PTCHD4: variants seen among roughly 807,000 people sequenced by gnomAD.
The protein encoded by PTCHD4 is patched domain-containing protein 4.
In PTCHD4, 33 loss-of-function variants were observed where a neutral mutation model predicts 58.1. That is an observed-to-expected ratio of 0.57 (90% CI 0.43 to 0.76). The LOEUF (loss-of-function observed/expected upper bound fraction) is 0.76, where lower values mean the gene tolerates loss of function less well. Among genes scored for constraint, PTCHD4 ranks in the 30% least tolerant of loss-of-function variants. PTCHD4 has a pLI of 0.00. For synonymous variants in PTCHD4, 478 were observed against 409.6 expected (o/e 1.17, Z -2.02); for missense variants, 1,058 against 1,027.1 (o/e 1.03, Z -0.41).
chr6:47,859,590 G>T lies in PTCHD4; in HGVS notation c.*18713C>A, dbSNP rs1763372841. The stretch of plus-strand genomic sequence containing the variant: ...CAAATATTTATTGAATGCCTAACAT[G>T]TGCCTGGCACCCTTCAGGGTACTGG... On this transcript the variant is annotated 3_prime_UTR_variant, in exon 5 of 5. Transcript: ENST00000339488. Among the ~76,000 whole-genome samples, 1 of 151,612 alleles carries T rather than the reference G, an allele frequency of 6.6e-6. No homozygotes were observed. Among genetic ancestry groups the T allele is most frequent in the Non-Finnish European group, 1.5e-5 (1 of 67,916 alleles).
At chr6:47,900,651 T>A (rs1196558103) in intron 4 of PTCHD4, 3 of 152,170 alleles carry the variant, frequency 2.0e-5, no homozygotes. Flanking sequence ...TAGCTTTGGG[T>A]TTTTATGGAT....
chr6:47,904,476 A>G (rs1177691199), intron 4 of PTCHD4, among the ~76,000 whole-genome samples: 3 of 152,222 alleles, frequency 2.0e-5, no homozygotes, highest in African/African-American at 7.2e-5. Flanking sequence ...CACAGACCAT[A>G]CACGTAGCAA....
intron 1 of PTCHD4, among the ~76,000 whole-genome samples, chr6:48,081,616 G>A (rs566197159): frequency 1.3e-5 from 2 of 152,200 alleles, no homozygotes; most frequent in Middle Eastern, 3.4e-3. Context: ...ATTATTAAAT[G>A]TGCTTCTTGC....
chr6:48,036,002 C>A (rs2114142089), intron 3 of PTCHD4, among the ~76,000 whole-genome samples: 1 of 152,142 alleles, frequency 6.6e-6, no homozygotes, highest in South Asian at 2.1e-4. Flanking sequence ...GCCTTACATT[C>A]TTTAATGGTG....
intron 3 of PTCHD4, among the ~76,000 whole-genome samples, chr6:48,052,210 A>C (rs931711882): frequency 3.9e-5 from 6 of 152,052 alleles, no homozygotes; most frequent in Non-Finnish European, 8.8e-5. Flanking sequence ...TGAACTTAAA[A>C]GTTTAATGTT....
At chr6:47,890,477 C>T (rs1181921841) in intron 4 of PTCHD4, among the ~76,000 whole-genome samples, 2 of 152,050 alleles carry the variant, frequency 1.3e-5, no homozygotes, top group Non-Finnish European at 2.9e-5. Flanking sequence ...TATCTGTTTC[C>T]TCATCTGTAA....
At chr6:47,930,179 A>G (rs1365188054) in intron 4 of PTCHD4, among the ~76,000 whole-genome samples, 4 of 152,202 alleles carry the variant, frequency 2.6e-5, no homozygotes, top group Non-Finnish European at 5.9e-5. Flanking sequence ...GAAGCAGCAC[A>G]TTGGGGTAAG....
At chr6:48,083,065 T>G (rs947082671) in intron 1 of PTCHD4, among the ~76,000 whole-genome samples, 1 of 151,190 alleles carries the variant, frequency 6.6e-6, no homozygotes, top group Non-Finnish European at 1.5e-5. Context: ...TTGCACAGTA[T>G]TTTTTGTTTT....
At chr6:47,995,220 A>T (rs1768441749) in intron 4 of PTCHD4, among the ~76,000 whole-genome samples, 1 of 152,176 alleles carries the variant, frequency 6.6e-6, no homozygotes, top group African/African-American at 2.4e-5. Context: ...ATCTTGGCAA[A>T]AGTTTACCAA....
rs1256890278 is a variant in PTCHD4, at chr6:47,857,419, C to A, written c.*20884G>T. Among the ~76,000 whole-genome samples, 1 of 152,032 alleles carries A rather than the reference C, an allele frequency of 6.6e-6. No individual in the cohort carries two copies. On this transcript the variant is annotated 3_prime_UTR_variant, in exon 5 of 5. Transcript: ENST00000339488. ...CTTGCTTCTTAAAACTTCTGCACTG[C>A]AGCAAGACGGTATCACACTGACTTC...
chr6:47,992,913 A>G (rs1000683008), intron 4 of PTCHD4, among the ~76,000 whole-genome samples: 6 of 152,208 alleles, frequency 3.9e-5, no homozygotes, highest in African/African-American at 1.4e-4. Flanking sequence ...TGTATGAGAT[A>G]CAGATACTCA....
chr6:48,038,415 G>A (rs1368671010), intron 3 of PTCHD4, among the ~76,000 whole-genome samples: 3 of 151,960 alleles, frequency 2.0e-5, no homozygotes, highest in Admixed American at 6.6e-5. Flanking sequence ...GCCGAGGCGG[G>A]CAGATCACTT....
At chr6:48,058,991 G>A (rs958300168) in intron 3 of PTCHD4, among the ~76,000 whole-genome samples, 2 of 152,224 alleles carry the variant, frequency 1.3e-5, no homozygotes, top group African/African-American at 4.8e-5. Flanking sequence ...TCAAAAGAAG[G>A]TAATTCCCTG....
Position 47,857,195 on chromosome 6 carries a change from A to C in PTCHD4, c.*21108T>G, listed in dbSNP as rs1222264769. Among the ~76,000 whole-genome samples, 1 of 152,076 alleles carries C rather than the reference A, an allele frequency of 6.6e-6. No homozygotes were observed. Among genetic ancestry groups the C allele is most frequent in the Non-Finnish European group, 1.5e-5 (1 of 67,978 alleles). On this transcript the variant is annotated 3_prime_UTR_variant, in exon 5 of 5. Transcript: ENST00000339488. ...TCTTTCCTTTCAACAGTTTTGTCCC[A>C]AAGTGCTGCTAACTGTGTGCTGGTG...
intron 4 of PTCHD4, among the ~76,000 whole-genome samples, chr6:47,892,061 T>C (rs1441069844): frequency 1.3e-5 from 2 of 152,156 alleles, no homozygotes; most frequent in East Asian, 1.9e-4. Flanking sequence ...AGAATGCCAG[T>C]TGGGCATATG....
chr6:47,997,447 A>G (rs1282492215), intron 4 of PTCHD4, among the ~76,000 whole-genome samples: 1 of 152,194 alleles, frequency 6.6e-6, no homozygotes, highest in Non-Finnish European at 1.5e-5. Flanking sequence ...TTATATCATT[A>G]AATAGAATAT....
At position 47,955,200 on chromosome 6, in the gene PTCHD4, A is replaced by G. The variant is rs1393580060; in HGVS notation, c.898+53434T>C. 2.6e-5 allele frequency among the ~76,000 whole-genome samples: 4 copies of G among 152,366 alleles called. No homozygotes were observed. In the South Asian group the frequency reaches 6.2e-4, roughly 24 times the overall value. On this transcript the variant is annotated intron_variant, in intron 4 of 4. Transcript: ENST00000339488. ...TATCATGCAGCAATAGGTAACTGAA[A>G]CAATAAGAAAAATTAGTATAAGGCA... is the stretch of plus-strand genomic sequence containing the variant.
intron 3 of PTCHD4, among the ~76,000 whole-genome samples, chr6:48,013,052 C>T (rs965249683): frequency 6.6e-6 from 1 of 152,080 alleles, no homozygotes; most frequent in African/African-American, 2.4e-5. Flanking sequence ...GGCTGGGTCT[C>T]TGCCAGGTTT....
chr6:48,110,794 T>C (rs1183937517), intron 1 of PTCHD4, among the ~76,000 whole-genome samples: 1 of 145,478 alleles, frequency 6.9e-6, no homozygotes, highest in Admixed American at 6.9e-5. Context: ...TATATATAAA[T>C]ATATATATAT....
Sources: allele counts gnomAD v4.1 joint callset (sites outside exome capture counted in the v4.1 genomes callset), GRCh38; gene constraint gnomAD v4.1.1; transcripts MANE v1.5; gene names NCBI Gene and HGNC (gene_info 2026-07-23, HGNC 2026-07-21).